ITGA1: variants seen among roughly 807,000 people sequenced by gnomAD.
ITGA1 encodes integrin alpha-1.
In ITGA1, 85 loss-of-function variants were observed where a neutral mutation model predicts 145.9. The observed-to-expected ratio is 0.58, with a 90% CI of 0.49 to 0.70. The LOEUF (loss-of-function observed/expected upper bound fraction) is 0.70. Ranked by LOEUF, ITGA1 falls within the 30% of genes least tolerant of loss-of-function variation. The pLI is 0.00. For synonymous variants in ITGA1, 520 were observed against 495.3 expected (o/e 1.05, Z -0.66); for missense variants, 1,351 against 1,418.7 (o/e 0.95, Z 0.77).
In ITGA1 at chr5:52,955,346, C is replaced by CAGATGATAGAT. The variant is rs944897958; in HGVS notation, c.*2899_*2900insGATAGATAGAT. ...CCACTGAGACAGATTACACGATAGA[C>CAGATGATAGAT]AGATAGATAGATAGATAGATAGATA... On this transcript the variant is annotated 3_prime_UTR_variant, in exon 29 of 29. Transcript: ENST00000282588. 6.8e-6 allele frequency: 1 copy of CAGATGATAGAT among 148,112 alleles called. No individual in the cohort carries two copies. Among genetic ancestry groups the CAGATGATAGAT allele is most frequent in the African/African-American group, 2.5e-5 (1 of 40,036 alleles). The allele number at this position is 148,112 out of a possible 1,614,324, so 9.2% of individuals were successfully genotyped here. A position where few individuals can be genotyped will look rare whatever the true frequency, so the allele number is the denominator to read the frequency against.
chr5:52,878,612 CT>C (rs1561235101), intron 6 of ITGA1, among the ~76,000 whole-genome samples: 1 of 152,174 alleles, frequency 6.6e-6, no homozygotes, highest in East Asian at 1.9e-4. Flanking sequence ...TGAGATAACC[CT>C]TTTTCCCAAG....
Position 52,939,924 on chromosome 5 carries a change from T to C in ITGA1, c.3265T>C (p.Trp1089Arg), listed in dbSNP as rs1307822600. 3.1e-6 allele frequency: 5 copies of C among 1,601,780 alleles called. No homozygotes were observed. The highest frequency in any genetic ancestry group is 4.3e-6 in the Non-Finnish European group (5 of 1,168,922). Reference protein sequence around the residue: ...ISQVNVSLILWKPTFIKSYFS... With the variant: ...ISQVNVSLILRKPTFIKSYFS... ...CCAAGTCAATGTTTCGCTTATCTTG[T>C]GGAAACCAACTTTTATAAAAGTAAG... Residue 1089 changes from tryptophan (W) to arginine (R), a missense_variant, in exon 26 of 29, where the codon TGG becomes CGG. Physicochemically the swap from Trp to Arg is moderately radical, Grantham distance 101. Transcript: ENST00000282588.
intron 11 of ITGA1, among the ~76,000 whole-genome samples, chr5:52,899,081 C>T (rs1750275724): frequency 6.6e-6 from 1 of 152,160 alleles, no homozygotes; most frequent in African/African-American, 2.4e-5. Flanking sequence ...AAAGGACCAT[C>T]AGGATATGGC....
intron 20 of ITGA1, among the ~76,000 whole-genome samples, chr5:52,928,802 A>C (rs891147535): frequency 6.6e-6 from 1 of 152,220 alleles, no homozygotes; most frequent in Non-Finnish European, 1.5e-5. Context: ...CAGAAACAGA[A>C]CGAAAAGTTG....
Position 52,920,324 on chromosome 5 carries a change from T to G in ITGA1, c.2156-8T>G, listed in dbSNP as rs948971417. The stretch of plus-strand genomic sequence containing the variant: ...ATTTCCATCAATTATTTTTTAAAAT[T>G]TTTGTAGATTTGCAGTACCGTGTCA... On this transcript the variant is annotated splice_region_variant and splice_polypyrimidine_tract_variant and intron_variant, in intron 16 of 28. Transcript: ENST00000282588. 2.5e-6 allele frequency: 4 copies of G among 1,575,460 alleles called. No individual in the cohort carries two copies. The highest frequency in any genetic ancestry group is 2.3e-5 in the East Asian group (1 of 43,766).
intron 12 of ITGA1, among the ~76,000 whole-genome samples, chr5:52,907,453 G>A (rs1367273667): frequency 6.6e-6 from 1 of 152,132 alleles, no homozygotes; most frequent in Non-Finnish European, 1.5e-5. Flanking sequence ...GACAAGAAGT[G>A]TCAAATTTTA....
At chr5:52,923,120 A>G (rs541808233) in intron 18 of ITGA1, among the ~76,000 whole-genome samples, 1 of 152,330 alleles carries the variant, frequency 6.6e-6, no homozygotes, top group Non-Finnish European at 1.5e-5. Flanking sequence ...TTAAGGAGTT[A>G]GATGTGGGGC....
intron 12 of ITGA1, among the ~76,000 whole-genome samples, chr5:52,908,296 A>G (rs1750442514): frequency 1.3e-5 from 2 of 152,228 alleles, no homozygotes; most frequent in Non-Finnish European, 1.5e-5. Flanking sequence ...GTAATGAAGT[A>G]TAAGTTCTCT....
intron 7 of ITGA1, among the ~76,000 whole-genome samples, chr5:52,884,943 G>T (rs543719921): frequency 1.3e-5 from 2 of 152,266 alleles, no homozygotes; most frequent in South Asian, 2.1e-4. Flanking sequence ...GAGCCAGTAG[G>T]TTTCCAGGTA....
At chr5:52,799,287 G>T (rs573360244) in intron 1 of ITGA1, among the ~76,000 whole-genome samples, 1 of 152,284 alleles carries the variant, frequency 6.6e-6, no homozygotes, top group South Asian at 2.1e-4. Context: ...AAATTATGTA[G>T]CTATTCAATC....
chr5:52,813,750 A>G (rs1748720558), intron 1 of ITGA1, among the ~76,000 whole-genome samples: 1 of 152,220 alleles, frequency 6.6e-6, no homozygotes. Flanking sequence ...ACTATTCTAT[A>G]TGCCTACATC....
intron 1 of ITGA1, among the ~76,000 whole-genome samples, chr5:52,794,106 A>G (rs887220018): frequency 3.9e-5 from 6 of 152,028 alleles, no homozygotes; most frequent in African/African-American, 1.2e-4. Flanking sequence ...CAAACAGGAG[A>G]TCCCTATTAA....
intron 1 of ITGA1, 72 bp from the exon 2 acceptor site, chr5:52,849,293 G>A (rs181851084): frequency 5.4e-6 from 7 of 1,289,428 alleles, no homozygotes; most frequent in Admixed American, 2.1e-5. Context: ...CCTTAACCAT[G>A]CCTTCCATAA....
chr5:52,885,150 T>C (rs1561237141), intron 7 of ITGA1, among the ~76,000 whole-genome samples: 1 of 152,160 alleles, frequency 6.6e-6, no homozygotes, highest in Non-Finnish European at 1.5e-5. Context: ...TTCCCTCTCA[T>C]GGTGTACCTC....
At chr5:52,831,332 C>T (rs1158811245) in intron 1 of ITGA1, among the ~76,000 whole-genome samples, 2 of 152,066 alleles carry the variant, frequency 1.3e-5, no homozygotes, top group African/African-American at 4.8e-5. Flanking sequence ...TGGGGTTTCA[C>T]CATGTTGGCC....
intron 1 of ITGA1, among the ~76,000 whole-genome samples, chr5:52,846,418 A>AT (rs1371760572): frequency 6.6e-6 from 1 of 152,198 alleles, no homozygotes; most frequent in Non-Finnish European, 1.5e-5. Context: ...AGAAAAAAAA[A>AT]GTAAAGCATT....
intron 1 of ITGA1, among the ~76,000 whole-genome samples, chr5:52,821,445 A>G (rs751308817): frequency 6.6e-6 from 1 of 152,166 alleles, no homozygotes; most frequent in Non-Finnish European, 1.5e-5. Context: ...ATGTTGCTAT[A>G]AGGAAATTTG....
At chr5:52,891,971 A>T (rs1317780931) in intron 8 of ITGA1, among the ~76,000 whole-genome samples, 4 of 152,242 alleles carry the variant, frequency 2.6e-5, no homozygotes, top group Admixed American at 6.5e-5. Context: ...TACAAACCTC[A>T]ACAAAGCTAA....
chr5:52,837,140 G>T (rs2111732176), intron 1 of ITGA1, among the ~76,000 whole-genome samples: 1 of 152,254 alleles, frequency 6.6e-6, no homozygotes, highest in Middle Eastern at 3.4e-3. Context: ...AAATGACAAA[G>T]AATCAGACTG....
Sources: allele counts gnomAD v4.1 joint callset (sites outside exome capture counted in the v4.1 genomes callset), GRCh38; gene constraint gnomAD v4.1.1; transcripts MANE v1.5; gene names NCBI Gene and HGNC (gene_info 2026-07-23, HGNC 2026-07-21).